ZDHHC20: variants seen among roughly 807,000 people sequenced by gnomAD.
The protein encoded by ZDHHC20 is palmitoyltransferase ZDHHC20.
Under a neutral mutation model 57.8 loss-of-function variants are expected in ZDHHC20, and 43 were observed. The ratio of observed to expected loss-of-function variants is 0.74; its 90% CI spans 0.58 to 0.96. ZDHHC20 has a LOEUF of 0.96. Among genes scored for constraint, ZDHHC20 ranks in the 40% least tolerant of loss-of-function variants. The probability of loss-of-function intolerance (pLI) is 0.00; values close to 1 mark genes in which losing one functional copy is unlikely to be tolerated. For missense variants in ZDHHC20, 391 were observed against 441.1 expected, an observed-to-expected ratio of 0.89 and a Z score of 1.02; for synonymous variants, 157 against 153.0, an observed-to-expected ratio of 1.03 and a Z score of -0.19.
chr13:21,410,431 C>T (rs1162248736), intron 4 of ZDHHC20, among the ~76,000 whole-genome samples: 2 of 152,200 alleles, frequency 1.3e-5, no homozygotes, highest in Non-Finnish European at 2.9e-5. Context: ...CAGACAGGAA[C>T]GTTTAAGTCT....
intron 1 of ZDHHC20, among the ~76,000 whole-genome samples, chr13:21,454,416 T>C (rs1405027998): frequency 1.3e-5 from 2 of 152,172 alleles, no homozygotes; most frequent in Non-Finnish European, 2.9e-5. Context: ...TGAGCCACTG[T>C]GCCCAGCCCA....
chr13:21,384,587 T>C (rs1236976959), intron 9 of ZDHHC20, among the ~76,000 whole-genome samples: 1 of 151,808 alleles, frequency 6.6e-6, no homozygotes, highest in Non-Finnish European at 1.5e-5. Flanking sequence ...AGTCTTTTGA[T>C]AAATACTAAG....
intron 4 of ZDHHC20, among the ~76,000 whole-genome samples, chr13:21,411,523 G>A (rs548401138): frequency 3.9e-5 from 6 of 152,244 alleles, no homozygotes; most frequent in Admixed American, 6.5e-5. Flanking sequence ...ATGGCTAAGC[G>A]AGTGGTAACA....
chr13:21,383,127 G>GT, intron 9 of ZDHHC20, 118 bp from the exon 10 acceptor site: 1 of 933,448 alleles, frequency 1.1e-6, no homozygotes, highest in Non-Finnish European at 1.6e-6. Context: ...ATATAAGGAA[G>GT]TAACTCCTAA....
At chr13:21,379,219 T>C (rs1013239606) in intron 11 of ZDHHC20, among the ~76,000 whole-genome samples, 10 of 152,038 alleles carry the variant, frequency 6.6e-5, no homozygotes, top group African/African-American at 2.4e-4. Context: ...AGTAGGTCTT[T>C]AAGGGTATTT....
At chr13:21,442,148 G>T (rs1033665680) in intron 1 of ZDHHC20, among the ~76,000 whole-genome samples, 1 of 151,776 alleles carries the variant, frequency 6.6e-6, no homozygotes, top group Non-Finnish European at 1.5e-5. Context: ...GGTATATATG[G>T]AAATAATGAT....
intron 7 of ZDHHC20, among the ~76,000 whole-genome samples, chr13:21,392,802 C>CAAA (rs1875983160): frequency 6.6e-6 from 1 of 152,150 alleles, no homozygotes. Flanking sequence ...TGACATTGAT[C>CAAA]TTTTTCTCTT....
chr13:21,416,438 TTAAA>T (rs1879987755), intron 3 of ZDHHC20, among the ~76,000 whole-genome samples: 1 of 152,180 alleles, frequency 6.6e-6, no homozygotes, highest in African/African-American at 2.4e-5. Context: ...ACAGTTCTAT[TTAAA>T]TATATATTAA....
chr13:21,450,498 T>G (rs1884340746), intron 1 of ZDHHC20, among the ~76,000 whole-genome samples: 1 of 152,094 alleles, frequency 6.6e-6, no homozygotes, highest in South Asian at 2.1e-4. Flanking sequence ...ATATATATAT[T>G]TACAGAGCTC....
intron 9 of ZDHHC20, among the ~76,000 whole-genome samples, chr13:21,384,210 C>T (rs1874009936): frequency 2.6e-5 from 4 of 151,638 alleles, no homozygotes; most frequent in Non-Finnish European, 5.9e-5. Context: ...GAGGCTGAGG[C>T]AGGCGGATCA....
chr13:21,379,064 T>C (rs1648455751), intron 11 of ZDHHC20, among the ~76,000 whole-genome samples: 1 of 151,642 alleles, frequency 6.6e-6, no homozygotes, highest in Non-Finnish European at 1.5e-5. Flanking sequence ...TTGCCTAGGC[T>C]GGCCTTAAAC....
intron 4 of ZDHHC20, among the ~76,000 whole-genome samples, chr13:21,404,012 G>C (rs534325026): frequency 3.3e-4 from 51 of 152,252 alleles, no homozygotes; most frequent in African/African-American, 1.1e-3. Flanking sequence ...TCTAATCAGA[G>C]AATGGACCCT....
intron 7 of ZDHHC20, among the ~76,000 whole-genome samples, chr13:21,399,312 T>G (rs551437043): frequency 6.6e-6 from 1 of 151,924 alleles, no homozygotes; most frequent in South Asian, 2.1e-4. Context: ...GCCACTGCAC[T>G]CCAGCCTGGG....
intron 1 of ZDHHC20, among the ~76,000 whole-genome samples, chr13:21,428,704 C>A (rs1881573083): frequency 6.6e-6 from 1 of 151,030 alleles, no homozygotes; most frequent in South Asian, 2.1e-4. Context: ...ACTAAAAATA[C>A]AAAAAATTAG....
chr13:21,437,285 AAGCTGC>A (rs1882653217), intron 1 of ZDHHC20, among the ~76,000 whole-genome samples: 3 of 152,360 alleles, frequency 2.0e-5, no homozygotes, highest in African/African-American at 7.2e-5. Context: ...TTTTATGTAA[AAGCTGC>A]AGCAAGTTAT....
intron 9 of ZDHHC20, among the ~76,000 whole-genome samples, chr13:21,384,395 G>C (rs528498171): frequency 7.1e-6 from 1 of 140,446 alleles, no homozygotes; most frequent in Non-Finnish European, 1.5e-5. Flanking sequence ...AGCCAAGATC[G>C]CACCACTGCA....
At chr13:21,417,528 C>T (rs966139894) in intron 3 of ZDHHC20, among the ~76,000 whole-genome samples, 2 of 152,150 alleles carry the variant, frequency 1.3e-5, no homozygotes, top group African/African-American at 4.8e-5. Flanking sequence ...CATCCTCTGC[C>T]TCCCAGGTTC....
rs752705495 is a variant in ZDHHC20 at position 21,413,209 on chromosome 13, T to A, written c.370+443A>T. ...GACAAACCTGAGTTCACAGCCTGAC[T>A]CTCAGAATATTAGCCTTATACATCT... On this transcript the variant is annotated intron_variant, in intron 4 of 12. Coordinates refer to ENST00000400590, the MANE Select transcript of ZDHHC20 (RefSeq NM_001330059.2). 1.3e-3 allele frequency among the ~76,000 whole-genome samples: 202 copies of A among 152,208 alleles called. 1 individual carries two copies. The highest frequency in any genetic ancestry group is 7.5e-4 in the Non-Finnish European group (51 of 68,004).
In ZDHHC20 at chr13:21,387,616, G is replaced by A. The variant is rs200432611; in HGVS notation, c.746C>T (p.Thr249Met). ...RTTIESFRAP[T>M]FSYGPDGNGF... ...ATTTCCATCAGGTCCGTATGAAAACGTGGGTGCGCGGAATGATTCTGTTAA... is the reference window on the plus strand; with the variant it reads ...ATTTCCATCAGGTCCGTATGAAAACATGGGTGCGCGGAATGATTCTGTTAA... The change falls in exon 9 of 13, where the codon ACG becomes ATG. Residue 249 changes from threonine (T) to methionine (M), a missense_variant. Around this residue, in one of 3 missense-constraint regions of ZDHHC20, gnomAD observed 197 missense variants for 220.8 expected, o/e 0.89. Coordinates refer to ENST00000400590, the MANE Select transcript of ZDHHC20 (RefSeq NM_001330059.2). 131 of 1,477,134 alleles carry A rather than the reference G, an allele frequency of 8.9e-5. No homozygotes were observed. The African/African-American group carries it at 1.6e-3, about 18-fold the overall frequency. 91.5% of individuals were successfully genotyped at this position (1,477,134 alleles called of 1,614,324 possible).
Sources: allele counts gnomAD v4.1 joint callset (sites outside exome capture counted in the v4.1 genomes callset), GRCh38; gene constraint gnomAD v4.1.1; regional missense constraint gnomAD v4.1.1; transcripts MANE v1.5; gene names NCBI Gene and HGNC (gene_info 2026-07-23, HGNC 2026-07-21).